The following IL6R variants were observed in gnomAD, a reference collection of about 807,000 sequenced individuals.
IL6R encodes the protein interleukin 6 receptor.
In IL6R, 38 loss-of-function variants were observed where a neutral mutation model predicts 48.3. The observed-to-expected ratio is 0.79, with a 90% CI of 0.61 to 1.03. The LOEUF (loss-of-function observed/expected upper bound fraction) is 1.03. Ranked by LOEUF, IL6R falls within the 50% of genes least tolerant of loss-of-function variation. IL6R has a pLI of 0.00. For missense variants in IL6R, 534 were observed against 618.3 expected (o/e 0.86, Z 1.45); for synonymous variants, 264 against 256.2 (o/e 1.03, Z -0.29).
intron 2 of IL6R, 109 bp downstream of exon 2, chr1:154,429,553 C>A: frequency 7.3e-7 from 1 of 1,365,830 alleles, no homozygotes; most frequent in Non-Finnish European, 9.8e-7. Context: ...TTCCTTGGCG[C>A]AAGAATTTTG....
chr1:154,417,962 T>C (rs756573240), intron 1 of IL6R, among the ~76,000 whole-genome samples: 2 of 152,162 alleles, frequency 1.3e-5, no homozygotes, highest in African/African-American at 4.8e-5. Flanking sequence ...CTCAAACTCC[T>C]GACCTTGTGA....
At chr1:154,421,987 C>T (rs564287647) in intron 1 of IL6R, among the ~76,000 whole-genome samples, 2 of 151,008 alleles carry the variant, frequency 1.3e-5, no homozygotes, top group African/African-American at 2.4e-5. Context: ...ACTTTTGTGG[C>T]CCAGGCTGGA....
chr1:154,424,315 G>C (rs910382469), intron 1 of IL6R, among the ~76,000 whole-genome samples: 18 of 152,220 alleles, frequency 1.2e-4, no homozygotes, highest in African/African-American at 3.9e-4. Flanking sequence ...CATGGTCGGG[G>C]AAGGGACCTT....
intron 3 of IL6R, among the ~76,000 whole-genome samples, chr1:154,432,718 C>T (rs903218021): frequency 2.6e-5 from 4 of 152,294 alleles, no homozygotes; most frequent in African/African-American, 9.6e-5. Flanking sequence ...CTTGTCCTCC[C>T]GAGCAGCCTC....
At position 154,440,304 on chromosome 1, in the gene IL6R, T is replaced by G. The variant is rs573726921; in HGVS notation, c.949+4194T>G. Among the ~76,000 whole-genome samples, 12 of 152,386 alleles carry G rather than the reference T, an allele frequency of 7.9e-5. No homozygotes were observed. The South Asian group carries it at 2.5e-3, about 32-fold the overall frequency. ...ACCACATTGTGTTGATTCATTCATTTGTCAGGGGACACTGGGTTTGCTTCC... is the reference window on the plus strand; with the variant it reads ...ACCACATTGTGTTGATTCATTCATTGGTCAGGGGACACTGGGTTTGCTTCC... On this transcript the variant is annotated intron_variant, in intron 6 of 9. Coordinates refer to ENST00000368485, the MANE Select transcript of IL6R (RefSeq NM_000565.4).
Position 154,449,972 on chromosome 1 carries a change from G to A in IL6R, c.1058G>A (p.Ser353Asn). 1 of 1,603,620 alleles carries A rather than the reference G, an allele frequency of 6.2e-7. No homozygotes were observed. Among genetic ancestry groups the A allele is most frequent in the East Asian group, 2.2e-5 (1 of 44,838 alleles). ...TTCAGAGATTCTGCAAATGCGACAA[G>A]CCTCCCAGGTAAGGACTGGGTATTT... is the stretch of plus-strand genomic sequence containing the variant. ...ILFRDSANAT[S>N]LPVQDSSSVP... Residue 353 changes from serine (S) to asparagine (N), a missense_variant, in exon 8 of 10, where the codon AGC (serine) becomes AAC (asparagine). Ser to Asn is a conservative substitution (Grantham distance 46). Transcript: ENST00000368485.
chr1:154,457,856 C>T (rs904818784), intron 9 of IL6R, among the ~76,000 whole-genome samples: 8 of 152,148 alleles, frequency 5.3e-5, no homozygotes, highest in Non-Finnish European at 1.0e-4. Context: ...CTGCCAGTAG[C>T]CCTGACCTAG....
intron 1 of IL6R, among the ~76,000 whole-genome samples, chr1:154,416,511 G>A (rs1688363518): frequency 6.6e-6 from 1 of 152,082 alleles, no homozygotes; most frequent in South Asian, 2.1e-4. Flanking sequence ...CCTATCTCTT[G>A]GTAGGCCTGA....
intron 8 of IL6R, chr1:154,454,223 G>C: frequency 2.0e-6 from 1 of 504,324 alleles, no homozygotes; most frequent in Non-Finnish European, 3.6e-6. Context: ...CTGAGCTTGA[G>C]GTGTCTCTCT....
chr1:154,452,145 TC>T (rs749203370), intron 8 of IL6R, among the ~76,000 whole-genome samples: 21 of 152,042 alleles, frequency 1.4e-4, no homozygotes, highest in Non-Finnish European at 2.8e-4. Context: ...TCTACCAACT[TC>T]TAGTCTTAAC....
intron 9 of IL6R, among the ~76,000 whole-genome samples, chr1:154,461,767 C>CGGA (rs1691276254): frequency 6.6e-6 from 1 of 152,142 alleles, no homozygotes; most frequent in South Asian, 2.1e-4. Context: ...CACCTCAAAT[C>CGGA]CATCTCCCCA....
chr1:154,455,439 C>A (rs367875125), intron 9 of IL6R, among the ~76,000 whole-genome samples: 10 of 146,224 alleles, frequency 6.8e-5, no homozygotes, highest in Admixed American at 4.7e-4. Flanking sequence ...CTTTTTCTTT[C>A]TCTTTCTTTT....
chr1:154,466,655 C>CT lies in IL6R; in HGVS notation c.*1276dup, dbSNP rs2149281886. On this transcript the variant is annotated 3_prime_UTR_variant, in exon 10 of 10. Coordinates refer to ENST00000368485, the MANE Select transcript of IL6R (RefSeq NM_000565.4). The stretch of plus-strand genomic sequence containing the variant: ...TTGAGTCCAGAAGTTTGAGATCAGC[C>CT]TGGGCAATGTGATAAAACCCCATCT... The CT allele has an allele frequency of 6.5e-6, 1 of 153,122 alleles. No individual in the cohort carries two copies. Among genetic ancestry groups the CT allele is most frequent in the East Asian group, 1.9e-4 (1 of 5,260 alleles). The allele number at this position is 153,122 out of a possible 1,614,324, so 9.5% of individuals were successfully genotyped here.
chr1:154,412,819 C>G (rs1196256942), intron 1 of IL6R, among the ~76,000 whole-genome samples: 3 of 152,046 alleles, frequency 2.0e-5, no homozygotes, highest in Non-Finnish European at 2.9e-5. Flanking sequence ...GGTTGAGAAA[C>G]AAGCCCAAAG....
At chr1:154,430,172 T>C (rs1301727569) in intron 2 of IL6R, among the ~76,000 whole-genome samples, 1 of 152,128 alleles carries the variant, frequency 6.6e-6, no homozygotes, top group Admixed American at 6.5e-5. Flanking sequence ...CACAGCCAGG[T>C]CTGTGTGACT....
In IL6R at chr1:154,426,161, G is replaced by GACACACACACACACAC. The variant is rs372688307; in HGVS notation, c.86-3017_86-3002dup. ...AGCACCAGACTGAGACCCTGTATCA[G>GACACACACACACACAC]ACACACACACACACACACACACACA... On this transcript the variant is annotated intron_variant, in intron 1 of 9. Transcript: ENST00000368485. 2.8e-3 allele frequency among the ~76,000 whole-genome samples: 331 copies of GACACACACACACACAC among 118,638 alleles called. 2 individuals carry two copies. The highest frequency in any genetic ancestry group is 1.0e-2 in the African/African-American group (315 of 31,614). The allele number at this position is 118,638 out of a possible 152,430, so 77.8% of individuals were successfully genotyped here.
chr1:154,447,476 TACACACACACACACACACACACAC>T (rs1230551409), intron 6 of IL6R, among the ~76,000 whole-genome samples: 5 of 68,814 alleles, frequency 7.3e-5, no homozygotes, highest in African/African-American at 2.8e-4. Context: ...TATATATATA[TACACACACACACACACACACACAC>T]ACATATATAT....
chr1:154,455,394 G>A (rs1690810587), intron 9 of IL6R, among the ~76,000 whole-genome samples: 1 of 151,948 alleles, frequency 6.6e-6, no homozygotes, highest in South Asian at 2.1e-4. Context: ...CTTCTCTTGA[G>A]GCTAAGGAGT....
rs1400364850 is a variant in IL6R at position 154,430,621 on chromosome 1, C to T, written c.458+15C>T. On this transcript the variant is annotated intron_variant, in intron 3 of 9. Coordinates refer to ENST00000368485, the MANE Select transcript of IL6R (RefSeq NM_000565.4). Reference sequence around the variant, plus strand: ...GTGAGGAAGTTGTAAGTATCTTGGGCTGAGCTATGTGCATGTTGGCTCCCT... The same window carrying T: ...GTGAGGAAGTTGTAAGTATCTTGGGTTGAGCTATGTGCATGTTGGCTCCCT... The T allele has an allele frequency of 1.2e-6, 2 of 1,614,128 alleles. No individual in the cohort carries two copies. The highest frequency in any genetic ancestry group is 1.3e-5 in the African/African-American group (1 of 75,054).
Sources: allele counts gnomAD v4.1 joint callset (sites outside exome capture counted in the v4.1 genomes callset), GRCh38; gene constraint gnomAD v4.1.1; transcripts MANE v1.5; gene names NCBI Gene and HGNC (gene_info 2026-07-23, HGNC 2026-07-21).